The following DIPK2B variants were observed in gnomAD, a reference collection of about 807,000 sequenced individuals.
DIPK2B encodes UPF0672 protein CXorf36.
A neutral mutation model predicts 22.2 loss-of-function variants in DIPK2B; 15 were observed. The observed-to-expected ratio is 0.68, with a 90% confidence interval of 0.45 to 1.04. DIPK2B has a LOEUF of 1.04. DIPK2B is among the 50% of genes least tolerant of loss of function. The pLI, the probability that DIPK2B is intolerant of heterozygous loss-of-function variation, is 0.00. For synonymous variants in DIPK2B, 163 were observed against 153.2 expected (o/e 1.06, Z -0.47); for missense variants, 345 against 348.3 (o/e 0.99, Z 0.08).
At chrX:45,180,916 C>T (rs2047147072) in intron 2 of DIPK2B, among the ~76,000 whole-genome samples, 1 of 112,030 alleles carries the variant, frequency 8.9e-6, no homozygotes, top group African/African-American at 3.2e-5. Flanking sequence ...AATGTGGTCT[C>T]TTTCTCTCAA....
At position 45,149,527 on chromosome X, in the gene DIPK2B, G is replaced by A. The variant is rs751797152; in HGVS notation, c.*2125C>T. 5 of 113,182 alleles carry A rather than the reference G, an allele frequency of 4.4e-5. No individual in the cohort carries two copies. Among genetic ancestry groups the A allele is most frequent in the African/African-American group, 1.6e-4 (5 of 31,060 alleles). The allele number at this position is 113,182 out of a possible 1,213,427, so 9.3% of individuals were successfully genotyped here. ...AGCAGTCAAGAGACAAACCCAAAAGGGAACTAGGTACTCCACAAAATAAGG... is the reference window on the plus strand; with the variant it reads ...AGCAGTCAAGAGACAAACCCAAAAGAGAACTAGGTACTCCACAAAATAAGG... On this transcript the variant is annotated 3_prime_UTR_variant, in exon 5 of 5. Coordinates refer to ENST00000398000, the MANE Select transcript of DIPK2B (RefSeq NM_176819.4).
chrX:45,172,404 T>C (rs770969454), intron 2 of DIPK2B, among the ~76,000 whole-genome samples: 2 of 111,982 alleles, frequency 1.8e-5, no homozygotes, highest in African/African-American at 6.5e-5. Context: ...CTTGCCTACC[T>C]GTGCCCCTTG....
At chrX:45,162,950 G>A (rs1197076353) in intron 2 of DIPK2B, 22 of 752,288 alleles carry the variant, frequency 2.9e-5, no homozygotes, top group Non-Finnish European at 3.3e-5. Flanking sequence ...ACAGTCTGAA[G>A]ACGGTCGATA....
chrX:45,165,929 A>T (rs1280265418), intron 2 of DIPK2B, among the ~76,000 whole-genome samples: 1 of 111,422 alleles, frequency 9.0e-6, no homozygotes, highest in Non-Finnish European at 1.9e-5. Flanking sequence ...TGCCTTCCAT[A>T]AAGAGCCATG....
chrX:45,162,603 T>C, intron 2 of DIPK2B: 3 of 754,671 alleles, frequency 4.0e-6, no homozygotes, highest in Middle Eastern at 1.5e-3. Context: ...TAAGGTTTCA[T>C]TTCAAACCAG....
rs945106817 is a variant in DIPK2B, at chrX:45,191,822, G to T, written c.427C>A (p.Arg143Ser). 8.3e-7 allele frequency: 1 copy of T among 1,211,842 alleles called. No homozygotes were observed. The highest frequency in any genetic ancestry group is 1.7e-5 in the African/African-American group (1 of 57,877). Residue 143 changes from arginine to serine, a missense_variant, in exon 2 of 5, where the codon CGT (arginine) becomes AGT (serine). Arg to Ser is a moderately radical substitution (Grantham distance 110, BLOSUM62 -1). Transcript: ENST00000398000. ...ASAPKTCSIE[R>S]VLRKTERFQK... ...AACCTCTCTGTTTTCCGCAGGACACGCTCAATGCTGCAGGTCTTTGGGGCT... is the reference window on the plus strand; with the variant it reads ...AACCTCTCTGTTTTCCGCAGGACACTCTCAATGCTGCAGGTCTTTGGGGCT...
intron 3 of DIPK2B, among the ~76,000 whole-genome samples, 173 bp downstream of exon 3, chrX:45,157,542 A>T (rs1269810704): frequency 9.0e-6 from 1 of 111,431 alleles, no homozygotes; most frequent in Non-Finnish European, 1.9e-5. Flanking sequence ...TGTTTCCTCT[A>T]CAGCAGCCAC....
chrX:45,163,534 A>T, intron 2 of DIPK2B: 2 of 754,545 alleles, frequency 2.7e-6, no homozygotes, highest in African/African-American at 2.3e-5. Context: ...ATTGGCTTTC[A>T]TCCATACCCC....
In DIPK2B at chrX:45,197,385, G is replaced by A. The variant is rs2047244924; in HGVS notation, c.233+3209C>T. ...CCCGAGTAGCTGGGACTATAGGCGT[G>A]CGCCGCCATGTCCGGCTAATTTTTG... is the stretch of plus-strand genomic sequence containing the variant. On this transcript the variant is annotated intron_variant, in intron 1 of 4. Transcript: ENST00000398000. Among the ~76,000 whole-genome samples, 3 of 111,385 alleles carry A rather than the reference G, an allele frequency of 2.7e-5. No homozygotes were observed. In the Admixed American group the frequency reaches 2.9e-4, roughly 11 times the overall value.
rs751443553 is a variant in DIPK2B at position 45,178,227 on chromosome X, C to T, written c.498+13524G>A. ...AGGAGTTCCTCACACATTCTTCAGC[C>T]TTGAAATAGTATCCAAAATGCCAAA... On this transcript the variant is annotated intron_variant, in intron 2 of 4. Coordinates refer to ENST00000398000, the MANE Select transcript of DIPK2B (RefSeq NM_176819.4). Among the ~76,000 whole-genome samples, 5 of 112,081 alleles carry T rather than the reference C, an allele frequency of 4.5e-5. No homozygotes were observed. In the South Asian group the frequency reaches 1.5e-3, roughly 33 times the overall value.
chrX:45,194,334 C>T (rs2047227751), intron 1 of DIPK2B, among the ~76,000 whole-genome samples: 2 of 110,730 alleles, frequency 1.8e-5, no homozygotes, highest in Non-Finnish European at 3.8e-5. Flanking sequence ...ACTGCAACCT[C>T]CACCTCCTGG....
chrX:45,162,708 C>T lies in DIPK2B; in HGVS notation c.499-4820G>A, dbSNP rs756682091. Reference sequence around the variant, plus strand: ...GCAACAGGGCTAACTTACCACCTCCCAGTGAAAAATAAAAAGATAACCAAA... The same window carrying T: ...GCAACAGGGCTAACTTACCACCTCCTAGTGAAAAATAAAAAGATAACCAAA... On this transcript the variant is annotated intron_variant, in intron 2 of 4. Transcript: ENST00000398000. The T allele has an allele frequency of 2.8e-5, 21 of 752,931 alleles. No individual in the cohort carries two copies. In the Admixed American group the frequency reaches 6.1e-4, roughly 22 times the overall value. The allele number at this position is 752,931 out of a possible 1,213,427, so 62.0% of individuals were successfully genotyped here.
At chrX:45,190,700 A>G (rs1012312064) in intron 2 of DIPK2B, among the ~76,000 whole-genome samples, 1 of 111,966 alleles carries the variant, frequency 8.9e-6, no homozygotes, top group African/African-American at 3.2e-5. Flanking sequence ...GGCAGATACA[A>G]AACTCAACCA....
intron 1 of DIPK2B, among the ~76,000 whole-genome samples, chrX:45,193,934 C>A (rs1189268321): frequency 9.1e-6 from 1 of 110,177 alleles, no homozygotes; most frequent in African/African-American, 3.3e-5. Context: ...ACTCCCCGGC[C>A]ACTAAAGGGA....
chrX:45,167,355 G>C (rs768626870), intron 2 of DIPK2B, among the ~76,000 whole-genome samples: 76 of 109,525 alleles, frequency 6.9e-4, no homozygotes, highest in African/African-American at 2.2e-3. Context: ...GCTGGGCATC[G>C]TGGTGCCACA....
intron 1 of DIPK2B, among the ~76,000 whole-genome samples, chrX:45,195,181 CT>C (rs1305456435): frequency 3.6e-5 from 4 of 112,537 alleles, no homozygotes; most frequent in Admixed American, 9.4e-5. Context: ...AATGTCAGTG[CT>C]TTTTATTCAC....
chrX:45,161,912 C>T (rs2047024443), intron 2 of DIPK2B, among the ~76,000 whole-genome samples: 1 of 111,955 alleles, frequency 8.9e-6, no homozygotes, highest in Non-Finnish European at 1.9e-5. Context: ...CATTTCCCTC[C>T]TGTGGAATAT....
At chrX:45,195,937 C>T (rs2047237256) in intron 1 of DIPK2B, among the ~76,000 whole-genome samples, 1 of 112,404 alleles carries the variant, frequency 8.9e-6, no homozygotes, top group Admixed American at 9.4e-5. Context: ...CTCTTTGGAA[C>T]TCACTCCCTC....
intron 2 of DIPK2B, among the ~76,000 whole-genome samples, chrX:45,176,702 C>T (rs1303722574): frequency 9.0e-6 from 1 of 111,707 alleles, no homozygotes; most frequent in Non-Finnish European, 1.9e-5. Flanking sequence ...TCTTACCTTG[C>T]GTTTGAAGCA....
Sources: allele counts gnomAD v4.1 joint callset (sites outside exome capture counted in the v4.1 genomes callset), GRCh38; gene constraint gnomAD v4.1.1; transcripts MANE v1.5; gene names NCBI Gene and HGNC (gene_info 2026-07-23, HGNC 2026-07-21).